The following MARK3 variants were observed in gnomAD, a reference collection of about 807,000 sequenced individuals.
MARK3 encodes the protein MAP/microtubule affinity-regulating kinase 3.
Under a neutral mutation model 90.1 loss-of-function variants are expected in MARK3, and 46 were observed. The observed-to-expected ratio is 0.51, with a 90% confidence interval of 0.40 to 0.65. The LOEUF (loss-of-function observed/expected upper bound fraction) is 0.65, where lower values mean the gene tolerates loss of function less well. Ranked by LOEUF, MARK3 falls within the 30% of genes least tolerant of loss-of-function variation. MARK3 has a pLI of 0.00. For synonymous variants in MARK3, 321 were observed against 332.6 expected (o/e 0.97, Z 0.38); for missense variants, 818 against 947.2 (o/e 0.86, Z 1.79).
chr14:103,476,483 G>T (rs376877876), intron 13 of MARK3, among the ~76,000 whole-genome samples: 35 of 150,612 alleles, frequency 2.3e-4, no homozygotes, highest in Middle Eastern at 3.4e-3. Context: ...ATCCCTATCT[G>T]TAACAAAATC....
At position 103,447,050 on chromosome 14, in the gene MARK3, C is replaced by T. The variant is rs187605639; in HGVS notation, c.298-1869C>T. On this transcript the variant is annotated intron_variant, in intron 3 of 17. Transcript: ENST00000429436. ...GTTTATGTTGGAGATAAAAATGCTC[C>T]TCCCTTCAAAAATGAGACAGTATTT... 2.6e-5 allele frequency among the ~76,000 whole-genome samples: 4 copies of T among 152,196 alleles called. No individual in the cohort carries two copies. In the East Asian group the frequency reaches 7.7e-4, roughly 29 times the overall value.
chr14:103,493,232 G>T (rs540896272), intron 15 of MARK3, among the ~76,000 whole-genome samples: 1 of 137,950 alleles, frequency 7.2e-6, no homozygotes. Context: ...ATAGATTAGG[G>T]AGTATTCCTT....
intron 2 of MARK3, among the ~76,000 whole-genome samples, chr14:103,408,105 T>A (rs2091422947): frequency 6.6e-6 from 1 of 152,128 alleles, no homozygotes; most frequent in Non-Finnish European, 1.5e-5. Context: ...TAGGGGAAGA[T>A]GACAGAACTT....
rs150156667 is a variant in MARK3, at chr14:103,474,764, TA to T, written c.1265-219del. 2.2e-3 allele frequency among the ~76,000 whole-genome samples: 328 copies of T among 149,532 alleles called. 2 individuals are homozygous for T. Among genetic ancestry groups the T allele is most frequent in the African/African-American group, 7.5e-3 (308 of 40,934 alleles). On this transcript the variant is annotated intron_variant, in intron 12 of 17. Coordinates refer to ENST00000429436, the MANE Select transcript of MARK3 (RefSeq NM_001128918.3). ...AAGGACAACTCTAAACTCTTACTAT[TA>T]AAAAAAAAATGTTTTAAGTAGAAAG...
At chr14:103,455,088 A>G (rs1277280098) in intron 5 of MARK3, among the ~76,000 whole-genome samples, 1 of 152,238 alleles carries the variant, frequency 6.6e-6, no homozygotes, top group Non-Finnish European at 1.5e-5. Flanking sequence ...TGAGTGTGAC[A>G]TATGGTTCCA....
intron 2 of MARK3, among the ~76,000 whole-genome samples, chr14:103,418,455 G>A (rs2092055913): frequency 2.0e-5 from 3 of 152,076 alleles, no homozygotes; most frequent in Non-Finnish European, 4.4e-5. Flanking sequence ...ATTGGGAGTT[G>A]TCTGGTGCTT....
At chr14:103,425,903 A>G (rs1258700360) in intron 2 of MARK3, among the ~76,000 whole-genome samples, 3 of 152,160 alleles carry the variant, frequency 2.0e-5, no homozygotes, top group South Asian at 2.1e-4. Flanking sequence ...TCTGGAGGTT[A>G]TAGACTCATA....
At chr14:103,426,617 C>T (rs2092412823) in intron 2 of MARK3, among the ~76,000 whole-genome samples, 1 of 152,190 alleles carries the variant, frequency 6.6e-6, no homozygotes, top group South Asian at 2.1e-4. Flanking sequence ...CTCCACTTTT[C>T]TTCCCTTCTA....
intron 3 of MARK3, among the ~76,000 whole-genome samples, chr14:103,434,183 A>G (rs972369377): frequency 6.6e-6 from 1 of 152,238 alleles, no homozygotes; most frequent in Non-Finnish European, 1.5e-5. Context: ...AAGCATTTAG[A>G]GTATGCTCCT....
chr14:103,483,419 C>T (rs917440834), intron 14 of MARK3, among the ~76,000 whole-genome samples: 5 of 152,166 alleles, frequency 3.3e-5, no homozygotes, highest in Non-Finnish European at 5.9e-5. Context: ...AGAGACTCCA[C>T]ATATCTTAAG....
chr14:103,474,205 G>A (rs1316287861), intron 12 of MARK3, among the ~76,000 whole-genome samples: 3 of 152,058 alleles, frequency 2.0e-5, no homozygotes, highest in South Asian at 2.1e-4. Flanking sequence ...ACTCCGTCTC[G>A]AAAAAGAAAA....
intron 13 of MARK3, among the ~76,000 whole-genome samples, chr14:103,477,856 T>C (rs181988946): frequency 3.4e-4 from 51 of 152,134 alleles, no homozygotes; most frequent in East Asian, 2.3e-3. Flanking sequence ...CTGAGCGTGA[T>C]GATGCACACC....
At chr14:103,475,318 C>A (rs781214046) in intron 13 of MARK3, 108 bp downstream of exon 13, 1 of 851,158 alleles carries the variant, frequency 1.2e-6, no homozygotes, top group Non-Finnish European at 1.9e-6. Context: ...AATGCCCTCT[C>A]TACTAGGCAG....
At chr14:103,388,653 CT>C (rs547866267) in intron 1 of MARK3, among the ~76,000 whole-genome samples, 46 of 152,266 alleles carry the variant, frequency 3.0e-4, no homozygotes, top group African/African-American at 1.0e-3. Flanking sequence ...AGAAAGGTCC[CT>C]TATGGCCCTG....
chr14:103,392,454 T>C (rs1223140281), intron 1 of MARK3, among the ~76,000 whole-genome samples: 1 of 152,192 alleles, frequency 6.6e-6, no homozygotes, highest in Admixed American at 6.5e-5. Flanking sequence ...TTCTAACAAG[T>C]TGCCAGGTGA....
chr14:103,456,555 C>T (rs2093282584), intron 5 of MARK3, among the ~76,000 whole-genome samples: 1 of 152,358 alleles, frequency 6.6e-6, no homozygotes, highest in African/African-American at 2.4e-5. Context: ...CACAGGCTCA[C>T]TTGTCTGTCT....
intron 6 of MARK3, chr14:103,458,628 T>C: frequency 1.8e-6 from 1 of 554,730 alleles, no homozygotes; most frequent in East Asian, 3.0e-5. Context: ...GCTTCACTGC[T>C]TTTAAATTAA....
intron 15 of MARK3, among the ~76,000 whole-genome samples, chr14:103,494,544 CAAAAA>C (rs35133138): frequency 2.8e-4 from 24 of 84,618 alleles, no homozygotes; most frequent in African/African-American, 1.1e-3. Flanking sequence ...AACTCTGTCT[CAAAAA>C]AAAAAAAAAA....
intron 4 of MARK3, among the ~76,000 whole-genome samples, chr14:103,450,187 G>GA (rs1595732579): frequency 6.6e-6 from 1 of 151,936 alleles, no homozygotes; most frequent in African/African-American, 2.4e-5. Flanking sequence ...TATGGTTGAA[G>GA]AAAAAACCAC....
Sources: allele counts gnomAD v4.1 joint callset (sites outside exome capture counted in the v4.1 genomes callset), GRCh38; gene constraint gnomAD v4.1.1; transcripts MANE v1.5; gene names NCBI Gene and HGNC (gene_info 2026-07-23, HGNC 2026-07-21).